Variants in SRBD1 observed in about 807,000 individuals in gnomAD.
SRBD1 encodes S1 RNA binding domain 1, also known as S1 RNA-binding domain-containing protein 1.
Under a neutral mutation model 115.3 loss-of-function variants are expected in SRBD1, and 88 were observed. The observed-to-expected ratio is 0.76, with a 90% confidence interval of 0.64 to 0.91. SRBD1 has a LOEUF of 0.91. Ranked by LOEUF, SRBD1 falls within the 40% of genes least tolerant of loss-of-function variation. SRBD1 has a pLI of 0.00. For missense variants in SRBD1, 1,385 were observed against 1,177.4 expected, an observed-to-expected ratio of 1.18 and a Z score of -2.58; for synonymous variants, 509 against 407.7, an observed-to-expected ratio of 1.25 and a Z score of -2.99.
intron 15 of SRBD1, among the ~76,000 whole-genome samples, chr2:45,480,392 C>T (rs1013230160): frequency 3.3e-5 from 5 of 152,110 alleles, no homozygotes; most frequent in Non-Finnish European, 5.9e-5. Flanking sequence ...GGGAGGAGGG[C>T]AAATGTCAAC....
intron 15 of SRBD1, among the ~76,000 whole-genome samples, chr2:45,484,279 T>C (rs1338104980): frequency 3.9e-5 from 6 of 152,202 alleles, no homozygotes; most frequent in Admixed American, 2.0e-4. Flanking sequence ...TTACTTTGGG[T>C]GCTCTGGCCA....
intron 16 of SRBD1, among the ~76,000 whole-genome samples, chr2:45,446,207 G>A (rs3770260): frequency 6.6e-6 from 1 of 152,180 alleles, no homozygotes; most frequent in Non-Finnish European, 1.5e-5. Flanking sequence ...GCTTCACACA[G>A]ATGTTGGCCT....
intron 14 of SRBD1, among the ~76,000 whole-genome samples, chr2:45,515,679 T>C (rs1671098041): frequency 6.6e-6 from 1 of 152,140 alleles, no homozygotes; most frequent in African/African-American, 2.4e-5. Context: ...CACTATGCTG[T>C]TTCTCCTCCT....
chr2:45,540,511 A>G (rs901078654), intron 14 of SRBD1, among the ~76,000 whole-genome samples: 1 of 152,128 alleles, frequency 6.6e-6, no homozygotes, highest in Non-Finnish European at 1.5e-5. Context: ...AACTATACCA[A>G]AAAATTGATA....
chr2:45,545,889 A>C (rs1404505036), intron 14 of SRBD1, among the ~76,000 whole-genome samples: 1 of 152,124 alleles, frequency 6.6e-6, no homozygotes, highest in Non-Finnish European at 1.5e-5. Context: ...CAAATCCTAG[A>C]ATTCTTCCTG....
rs1674233916 is a variant in SRBD1, at chr2:45,605,374, G to A, written c.68C>T (p.Ser23Leu). 1 of 1,613,346 alleles carries A rather than the reference G, an allele frequency of 6.2e-7. No homozygotes were observed. Among genetic ancestry groups the A allele is most frequent in the Non-Finnish European group, 8.5e-7 (1 of 1,179,844 alleles). ...CCAGTATGCTTACAACTCAGAGAATGAAGAAAATTCATCTTTCAGTACCAC... is the reference window on the plus strand; with the variant it reads ...CCAGTATGCTTACAACTCAGAGAATAAAGAAAATTCATCTTTCAGTACCAC... ...QDVVLKDEFS[S>L]FSELSSASEE... Residue 23 changes from serine to leucine, a missense_variant, in exon 2 of 21, where the codon TCA becomes TTA. Ser to Leu is a moderately radical substitution (Grantham distance 145). Transcript: ENST00000263736.
At chr2:45,458,827 T>C (rs534100055) in intron 16 of SRBD1, among the ~76,000 whole-genome samples, 8 of 152,140 alleles carry the variant, frequency 5.3e-5, no homozygotes, top group Non-Finnish European at 1.2e-4. Flanking sequence ...ACAACTCACA[T>C]TCATATTTCA....
At chr2:45,493,934 A>C (rs1396388459) in intron 14 of SRBD1, among the ~76,000 whole-genome samples, 1 of 152,194 alleles carries the variant, frequency 6.6e-6, no homozygotes, top group Non-Finnish European at 1.5e-5. Context: ...GTAAATTGAA[A>C]ATCAGATCAA....
In SRBD1 at chr2:45,389,004, T is replaced by C. The variant is rs188038131; in HGVS notation, c.*306A>G. On this transcript the variant is annotated 3_prime_UTR_variant, in exon 21 of 21. Coordinates refer to ENST00000263736, the MANE Select transcript of SRBD1 (RefSeq NM_018079.5). ...CAAGTAGAAGTTAAGCAATCTGTTATACAAAATGCAAAAGGAGTTAAAGAT... is the reference window on the plus strand; with the variant it reads ...CAAGTAGAAGTTAAGCAATCTGTTACACAAAATGCAAAAGGAGTTAAAGAT... 7.8e-5 allele frequency: 23 copies of C among 295,178 alleles called. No individual in the cohort carries two copies. The highest frequency in any genetic ancestry group is 6.9e-4 in the East Asian group (10 of 14,462). 18.3% of individuals were successfully genotyped at this position (295,178 alleles called of 1,614,324 possible). A position where few individuals can be genotyped will look rare whatever the true frequency, so the allele number is the denominator to read the frequency against.
chr2:45,414,517 A>G (rs1667709524), intron 18 of SRBD1, among the ~76,000 whole-genome samples: 1 of 148,980 alleles, frequency 6.7e-6, no homozygotes, highest in Non-Finnish European at 1.5e-5. Context: ...GTACACACAT[A>G]GTGTGTATAT....
chr2:45,457,827 T>C (rs1419175690), intron 16 of SRBD1, among the ~76,000 whole-genome samples: 2 of 151,960 alleles, frequency 1.3e-5, no homozygotes, highest in Admixed American at 6.6e-5. Context: ...CAAGGACTTA[T>C]GCTTTTAGAA....
chr2:45,456,470 T>C (rs1669155513), intron 16 of SRBD1, among the ~76,000 whole-genome samples: 2 of 151,936 alleles, frequency 1.3e-5, no homozygotes, highest in African/African-American at 4.8e-5. Context: ...TCATGTCAAA[T>C]GTTTATTCAG....
At chr2:45,604,745 G>A (rs1204471563) in intron 2 of SRBD1, among the ~76,000 whole-genome samples, 2 of 151,934 alleles carry the variant, frequency 1.3e-5, no homozygotes, top group African/African-American at 4.8e-5. Context: ...TATCCAAAAT[G>A]CCCCCCGACT....
chr2:45,458,270 T>C (rs1042362734), intron 16 of SRBD1, among the ~76,000 whole-genome samples: 19 of 152,056 alleles, frequency 1.2e-4, no homozygotes, highest in Non-Finnish European at 2.8e-4. Flanking sequence ...TGAGCGTGAT[T>C]AGAAAACATT....
Position 45,584,244 on chromosome 2 carries a change from G to C in SRBD1, c.815+1364C>G, listed in dbSNP as rs770221286. Among the ~76,000 whole-genome samples, 5 of 152,312 alleles carry C rather than the reference G, an allele frequency of 3.3e-5. No homozygotes were observed. The South Asian group carries it at 1.0e-3, about 32-fold the overall frequency. On this transcript the variant is annotated intron_variant, in intron 5 of 20. Coordinates refer to ENST00000263736, the MANE Select transcript of SRBD1 (RefSeq NM_018079.5). ...ACCAGCAAACTGGGCAGACAACCCTGCATGACAGTAATCTACTGGAGACGA... is the reference window on the plus strand; with the variant it reads ...ACCAGCAAACTGGGCAGACAACCCTCCATGACAGTAATCTACTGGAGACGA...
chr2:45,524,221 G>A (rs985182381), intron 14 of SRBD1, among the ~76,000 whole-genome samples: 4 of 151,954 alleles, frequency 2.6e-5, no homozygotes, highest in Non-Finnish European at 4.4e-5. Flanking sequence ...AAGACTGGAT[G>A]TTTCCCCTAA....
At chr2:45,570,146 A>C (rs1260253164) in intron 9 of SRBD1, among the ~76,000 whole-genome samples, 2 of 152,234 alleles carry the variant, frequency 1.3e-5, no homozygotes, top group African/African-American at 2.4e-5. Flanking sequence ...TCTGGCTCAC[A>C]AAACCTTAAA....
intron 16 of SRBD1, among the ~76,000 whole-genome samples, chr2:45,435,107 C>G (rs1668453887): frequency 6.6e-6 from 1 of 152,106 alleles, no homozygotes; most frequent in African/African-American, 2.4e-5. Flanking sequence ...ATGAACTCAT[C>G]CTTTTTTATG....
At position 45,607,219 on chromosome 2, in the gene SRBD1, T is replaced by C. The variant is rs1263844260; in HGVS notation, c.1-1778A>G. On this transcript the variant is annotated intron_variant, in intron 1 of 20. Coordinates refer to ENST00000263736, the MANE Select transcript of SRBD1 (RefSeq NM_018079.5). ...AATTGTGATTTTTATATTATGTGTA[T>C]CTTACCACAACAAAATAAGAATGGA... 2.0e-5 allele frequency among the ~76,000 whole-genome samples: 3 copies of C among 152,194 alleles called. No homozygotes were observed. The East Asian group carries it at 5.8e-4, about 29-fold the overall frequency.
Sources: gnomAD v4.1 joint callset for allele counts (sites outside exome capture counted in the v4.1 genomes callset) on GRCh38, gnomAD v4.1.1 for gene constraint, MANE v1.5 for transcripts, NCBI Gene and HGNC (gene_info 2026-07-23, HGNC 2026-07-21) for gene names.